Variants in GSR observed in about 807,000 individuals in gnomAD.
GSR encodes the protein glutathione reductase, mitochondrial.
Under a neutral mutation model 56.5 loss-of-function variants are expected in GSR, and 48 were observed. The observed-to-expected ratio is 0.85, with a 90% CI of 0.67 to 1.08. The LOEUF (loss-of-function observed/expected upper bound fraction) is 1.08. Among genes scored for constraint, GSR ranks in the 50% least tolerant of loss-of-function variants. GSR has a pLI of 0.00. For missense variants in GSR, 694 were observed against 703.3 expected (o/e 0.99, Z 0.15); for synonymous variants, 264 against 270.8 (o/e 0.97, Z 0.25).
At chr8:30,690,396 C>T (rs1482619264) in intron 8 of GSR, among the ~76,000 whole-genome samples, 1 of 151,968 alleles carries the variant, frequency 6.6e-6, no homozygotes, top group Non-Finnish European at 1.5e-5. Context: ...ATGGCCTCAA[C>T]TGATTCTCCT....
rs2128735919 is a variant in GSR at position 30,679,599 on chromosome 8, A to G, written c.1490T>C (p.Met497Thr). ...GTCAAAGTCTGCCTTCGTTGCTCCC[A>G]TCTTCACTGCAACAGCAAAACCCTG... is the stretch of plus-strand genomic sequence containing the variant. ...MLQGFAVAVK[M>T]GATKADFDNT... Residue 497 changes from methionine (M) to threonine (T), a missense_variant, in exon 13 of 13, where the codon ATG (methionine) becomes ACG (threonine). Coordinates refer to ENST00000221130, the MANE Select transcript of GSR (RefSeq NM_000637.5). The G allele has an allele frequency of 1.9e-6, 3 of 1,614,030 alleles. No homozygotes were observed. The highest frequency in any genetic ancestry group is 1.7e-5 in the Admixed American group (1 of 59,996).
rs1191610761 is a variant in GSR, at chr8:30,722,054, T to C, written c.306+5476A>G. Among the ~76,000 whole-genome samples, 6 of 151,496 alleles carry C rather than the reference T, an allele frequency of 4.0e-5. 1 individual carries two copies. ...CATTCTCTGTGGTTACTTTTCAAAG[T>C]ATGTTTTACAAAGAAATAGACACCC... On this transcript the variant is annotated intron_variant, in intron 1 of 12. Transcript: ENST00000221130.
intron 12 of GSR, 87 bp downstream of exon 12, chr8:30,680,817 T>C: frequency 1.7e-6 from 2 of 1,197,044 alleles, no homozygotes; most frequent in Non-Finnish European, 2.5e-6. Flanking sequence ...CTCAACTGCT[T>C]GGTCTCCCTC....
intron 4 of GSR, 47 bp from the exon 5 acceptor site, chr8:30,703,287 A>G (rs1245359785): frequency 4.0e-6 from 6 of 1,515,788 alleles, no homozygotes; most frequent in South Asian, 1.1e-5. Flanking sequence ...ATAAAAACAA[A>G]GACACCTACT....
At chr8:30,725,287 TAAATA>T (rs1271324013) in intron 1 of GSR, among the ~76,000 whole-genome samples, 1 of 151,258 alleles carries the variant, frequency 6.6e-6, no homozygotes, top group Non-Finnish European at 1.5e-5. Context: ...TAAAAAACAA[TAAATA>T]AAATAAAAAC....
At chr8:30,686,805 TTTG>T (rs1163732878) in intron 9 of GSR, among the ~76,000 whole-genome samples, 1 of 152,068 alleles carries the variant, frequency 6.6e-6, no homozygotes, top group Non-Finnish European at 1.5e-5. Context: ...TGACCAGTTT[TTTG>T]TTGTTGTTGT....
chr8:30,688,142 T>C (rs1482885205), intron 9 of GSR, among the ~76,000 whole-genome samples: 1 of 152,220 alleles, frequency 6.6e-6, no homozygotes, highest in Non-Finnish European at 1.5e-5. Context: ...CCCATCCCTG[T>C]GTACAATGTA....
chr8:30,720,408 G>T (rs1804493910), intron 1 of GSR, among the ~76,000 whole-genome samples: 1 of 152,128 alleles, frequency 6.6e-6, no homozygotes, highest in South Asian at 2.1e-4. Context: ...AATTATTTCA[G>T]CAACTATATA....
intron 1 of GSR, among the ~76,000 whole-genome samples, chr8:30,715,162 G>A (rs753229900): frequency 6.6e-6 from 1 of 152,070 alleles, no homozygotes; most frequent in African/African-American, 2.4e-5. Flanking sequence ...GTTTGGTGGT[G>A]CATGCCCGTA....
intron 1 of GSR, 120 bp from the exon 2 acceptor site, chr8:30,712,208 T>G: frequency 1.6e-6 from 1 of 609,708 alleles, no homozygotes. Flanking sequence ...TAAGTCACAG[T>G]GTACTAAATT....
intron 2 of GSR, among the ~76,000 whole-genome samples, chr8:30,710,684 T>G (rs1191542767): frequency 1.7e-5 from 2 of 115,438 alleles, no homozygotes; most frequent in African/African-American, 6.6e-5. Context: ...ACCACTGCAT[T>G]CCGGCCTGGG....
chr8:30,685,224 T>C (rs1803120664), intron 9 of GSR, among the ~76,000 whole-genome samples: 1 of 151,878 alleles, frequency 6.6e-6, no homozygotes, highest in African/African-American at 2.4e-5. Flanking sequence ...CCTCCCAGAG[T>C]GTTGGGATTA....
chr8:30,686,056 G>T (rs1048715296), intron 9 of GSR, among the ~76,000 whole-genome samples: 1 of 144,682 alleles, frequency 6.9e-6, no homozygotes, highest in African/African-American at 2.6e-5. Context: ...TCAAATCCTA[G>T]CTCTGCAACT....
intron 1 of GSR, among the ~76,000 whole-genome samples, chr8:30,722,671 G>A (rs1244458282): frequency 2.7e-5 from 4 of 147,376 alleles, no homozygotes; most frequent in Non-Finnish European, 4.4e-5. Context: ...GTTCAAGGTT[G>A]CAGTGAGCTA....
chr8:30,690,485 T>G (rs1401789613), intron 8 of GSR, among the ~76,000 whole-genome samples: 1 of 152,038 alleles, frequency 6.6e-6, no homozygotes, highest in Non-Finnish European at 1.5e-5. Context: ...TTAATTGGAA[T>G]GAAGGAAAGT....
chr8:30,684,284 T>G lies in GSR; in HGVS notation c.1042-85A>C, dbSNP rs914161233. 8 of 815,222 alleles carry G rather than the reference T, an allele frequency of 9.8e-6. No individual in the cohort carries two copies. The African/African-American group carries it at 1.2e-4, about 12-fold the overall frequency. The allele number at this position is 815,222 out of a possible 1,614,324, so 50.5% of individuals were successfully genotyped here. ...AAACCTCTGGATCTCCCTTCCTCATTTCACATGGGAACTGCAGCCAGAATC... is the reference window on the plus strand; with the variant it reads ...AAACCTCTGGATCTCCCTTCCTCATGTCACATGGGAACTGCAGCCAGAATC... On this transcript the variant is annotated intron_variant, in intron 9 of 12. Coordinates refer to ENST00000221130, the MANE Select transcript of GSR (RefSeq NM_000637.5).
At chr8:30,718,225 TC>T (rs1804404324) in intron 1 of GSR, among the ~76,000 whole-genome samples, 1 of 152,178 alleles carries the variant, frequency 6.6e-6, no homozygotes. Context: ...CAAAACTGGT[TC>T]CTGGTGCCAA....
intron 1 of GSR, among the ~76,000 whole-genome samples, chr8:30,714,808 T>C (rs13253409): frequency 1.3e-5 from 2 of 152,164 alleles, no homozygotes; most frequent in Non-Finnish European, 2.9e-5. Flanking sequence ...GCTGAGATTA[T>C]AGGCATGAGC....
chr8:30,679,880 T>C (rs1281479492), intron 12 of GSR, among the ~76,000 whole-genome samples: 1 of 151,674 alleles, frequency 6.6e-6, no homozygotes, highest in Non-Finnish European at 1.5e-5. Context: ...TAATTTTGTA[T>C]TTTTAGCAGA....
Sources: gnomAD v4.1 joint callset for allele counts (sites outside exome capture counted in the v4.1 genomes callset) on GRCh38, gnomAD v4.1.1 for gene constraint, MANE v1.5 for transcripts, NCBI Gene and HGNC (gene_info 2026-07-23, HGNC 2026-07-21) for gene names.